The following GRIK4 variants were observed in gnomAD, a reference collection of about 807,000 sequenced individuals.
GRIK4 encodes the protein glutamate receptor ionotropic, kainate 4.
A neutral mutation model predicts 104.9 loss-of-function variants in GRIK4; 40 were observed. That is an observed-to-expected ratio of 0.38 (90% confidence interval 0.30 to 0.50). The LOEUF (loss-of-function observed/expected upper bound fraction) is 0.50, where lower values mean the gene tolerates loss of function less well. Ranked by LOEUF, GRIK4 falls within the 20% of genes least tolerant of loss-of-function variation. The pLI is 0.93. For missense variants in GRIK4, 1,047 were observed against 1,308.1 expected (o/e 0.80, Z 3.08); for synonymous variants, 485 against 524.9 (o/e 0.92, Z 1.04).
At chr11:120,958,083 G>C (rs1276050962) in intron 16 of GRIK4, among the ~76,000 whole-genome samples, 1 of 152,230 alleles carries the variant, frequency 6.6e-6, no homozygotes, top group African/African-American at 2.4e-5. Context: ...CACAACATCC[G>C]GGAACCTGGG....
chr11:120,871,632 A>G (rs1488944499), intron 9 of GRIK4: 4 of 456,242 alleles, frequency 8.8e-6, no homozygotes, highest in Non-Finnish European at 1.8e-5. Context: ...GAGTTGGAGC[A>G]GGGGAGGCAG....
intron 3 of GRIK4, among the ~76,000 whole-genome samples, chr11:120,680,294 T>C (rs574607509): frequency 6.6e-6 from 1 of 152,226 alleles, no homozygotes; most frequent in Non-Finnish European, 1.5e-5. Flanking sequence ...GCCAGGCTGG[T>C]CTCAAGCTCC....
At chr11:120,841,367 A>G (rs1319036204) in intron 8 of GRIK4, among the ~76,000 whole-genome samples, 1 of 152,082 alleles carries the variant, frequency 6.6e-6, no homozygotes, top group Admixed American at 6.6e-5. Flanking sequence ...ATCATATAAT[A>G]TTTGTCCTTT....
At chr11:120,625,226 A>G (rs1412198902) in intron 1 of GRIK4, among the ~76,000 whole-genome samples, 1 of 152,148 alleles carries the variant, frequency 6.6e-6, no homozygotes, top group Non-Finnish European at 1.5e-5. Context: ...GTGAGCCAAG[A>G]TTGCACCACT....
chr11:120,819,177 C>T lies in GRIK4; in HGVS notation c.346-578C>T, dbSNP rs1242881691. On this transcript the variant is annotated intron_variant, in intron 5 of 20. Transcript: ENST00000527524. The surrounding 1 kb of genome is among the most constrained non-coding windows in gnomAD (Gnocchi z 4.3). Reference sequence around the variant, plus strand: ...GTTTCTCCGCCTGCAGGGCTTCCTTCCTCCATGTGCGCATGTGTGTCTGTG... The same window carrying T: ...GTTTCTCCGCCTGCAGGGCTTCCTTTCTCCATGTGCGCATGTGTGTCTGTG... Among the ~76,000 whole-genome samples the T allele has an allele frequency of 6.6e-6, 1 of 152,206 alleles. No individual in the cohort carries two copies. Among genetic ancestry groups the T allele is most frequent in the African/African-American group, 2.4e-5 (1 of 41,456 alleles).
chr11:120,864,338 T>TCA lies in GRIK4; in HGVS notation c.906+2220_906+2221dup, dbSNP rs540033105. On this transcript the variant is annotated intron_variant, in intron 9 of 20. Coordinates refer to ENST00000527524, the MANE Select transcript of GRIK4 (RefSeq NM_014619.5). Reference sequence around the variant, plus strand: ...TCACTGCAAGCTCCACCTCCCGGGTTCACGCCATTCTCCTGCCTCAGCCTC... The same window carrying TCA: ...TCACTGCAAGCTCCACCTCCCGGGTTCACACGCCATTCTCCTGCCTCAGCCTC... Among the ~76,000 whole-genome samples the TCA allele has an allele frequency of 2.8e-3, 419 of 152,158 alleles. 2 individuals are homozygous for TCA. The highest frequency in any genetic ancestry group is 8.8e-3 in the African/African-American group (367 of 41,500).
chr11:120,936,294 A>G, intron 13 of GRIK4: 1 of 513,274 alleles, frequency 1.9e-6, no homozygotes, highest in South Asian at 1.4e-5. Flanking sequence ...AACATCACCA[A>G]TGGACAGGCC....
At chr11:120,515,911 T>G (rs1334269176) in intron 1 of GRIK4, among the ~76,000 whole-genome samples, 1 of 152,202 alleles carries the variant, frequency 6.6e-6, no homozygotes, top group Non-Finnish European at 1.5e-5. Flanking sequence ...TCAGTCCAGC[T>G]ACCCGGCGAG....
intron 3 of GRIK4, among the ~76,000 whole-genome samples, chr11:120,801,749 A>G (rs1310906435): frequency 1.3e-5 from 2 of 152,158 alleles, no homozygotes; most frequent in Non-Finnish European, 2.9e-5. Flanking sequence ...CATCTCCATC[A>G]AGAGAATTAA....
rs781656516 is a variant in GRIK4 at position 120,898,532 on chromosome 11, A to G, written c.1165A>G (p.Ile389Val). The change falls in exon 12 of 21, where the codon ATC becomes GTC. Residue 389 changes from isoleucine to valine, a missense_variant and splice_region_variant. By Grantham distance (29) the Ile-to-Val change is conservative (BLOSUM62 3). Around this residue, in one of 3 missense-constraint regions of GRIK4, gnomAD observed 447 missense variants for 514.9 expected, o/e 0.87. Coordinates refer to ENST00000527524, the MANE Select transcript of GRIK4 (RefSeq NM_014619.5). ...CAGTCCTCTCCGTTGGTCTCCTCAG[A>G]TCGGCCAGTGGCACGTGGCAGAGGG... ...LQFTRNGFRQ[I>V]GQWHVAEGLS... 3.2e-6 allele frequency: 5 copies of G among 1,575,878 alleles called. No homozygotes were observed. In the South Asian group the frequency reaches 4.4e-5, roughly 14 times the overall value.
At chr11:120,757,756 A>G (rs190898581) in intron 3 of GRIK4, among the ~76,000 whole-genome samples, 117 of 152,174 alleles carry the variant, frequency 7.7e-4, no homozygotes, top group African/African-American at 2.6e-3. Context: ...TTATCTGCGG[A>G]GGAGAGTTTG....
At chr11:120,803,249 G>A (rs1176054773) in intron 4 of GRIK4, among the ~76,000 whole-genome samples, 1 of 152,116 alleles carries the variant, frequency 6.6e-6, no homozygotes, top group Non-Finnish European at 1.5e-5. Flanking sequence ...GCTTCCTTAT[G>A]CTAAGGGCGC....
At chr11:120,822,109 G>A (rs1321334505) in intron 6 of GRIK4, among the ~76,000 whole-genome samples, 1 of 151,062 alleles carries the variant, frequency 6.6e-6, no homozygotes, top group Non-Finnish European at 1.5e-5. Context: ...TACTTGGGAG[G>A]CTGAGACACG....
intron 3 of GRIK4, among the ~76,000 whole-genome samples, chr11:120,749,201 C>T (rs1189719982): frequency 6.6e-6 from 1 of 152,032 alleles, no homozygotes; most frequent in Non-Finnish European, 1.5e-5. Context: ...CCCACCCCAT[C>T]CCACTCCCAA....
chr11:120,875,600 A>AAGGC (rs1954763372), intron 11 of GRIK4, among the ~76,000 whole-genome samples: 1 of 152,134 alleles, frequency 6.6e-6, no homozygotes, highest in Admixed American at 6.5e-5. Flanking sequence ...CAGAGACTGT[A>AAGGC]TCACATGTGG....
At chr11:120,985,838 C>G in intron 20 of GRIK4, 66 bp from the exon 21 acceptor site, 1 of 1,439,598 alleles carries the variant, frequency 6.9e-7, no homozygotes, top group East Asian at 2.5e-5. Context: ...CTCATCCCAG[C>G]GGACTCGCAG....
chr11:120,831,801 C>G (rs576999490), intron 6 of GRIK4, 51 bp from the exon 7 acceptor site: 1 of 1,479,312 alleles, frequency 6.8e-7, no homozygotes, highest in Non-Finnish European at 9.4e-7. Context: ...CCAGGTGTCT[C>G]TAGAGGCAGC....
intron 3 of GRIK4, among the ~76,000 whole-genome samples, chr11:120,782,613 A>T (rs1402127916): frequency 3.3e-5 from 5 of 152,144 alleles, no homozygotes; most frequent in Non-Finnish European, 5.9e-5. Flanking sequence ...TTCAGCAGAC[A>T]TTGGGATGCT....
At chr11:120,928,041 C>T (rs974444954) in intron 13 of GRIK4, among the ~76,000 whole-genome samples, 1 of 151,726 alleles carries the variant, frequency 6.6e-6, no homozygotes, top group African/African-American at 2.4e-5. Flanking sequence ...GTGGTGAAAC[C>T]GTGTTTCTAC....
Sources: allele counts gnomAD v4.1 joint callset (sites outside exome capture counted in the v4.1 genomes callset), GRCh38; gene constraint gnomAD v4.1.1; regional missense constraint gnomAD v4.1.1; non-coding constraint Gnocchi (gnomAD v3.1); transcripts MANE v1.5; gene names NCBI Gene and HGNC (gene_info 2026-07-23, HGNC 2026-07-21).